Variants in CARS1 observed in about 807,000 individuals in gnomAD.
CARS1 encodes cysteine--tRNA ligase, cytoplasmic.
In CARS1, 48 loss-of-function variants were observed where a neutral mutation model predicts 106.2. The ratio of observed to expected loss-of-function variants is 0.45; its 90% confidence interval spans 0.36 to 0.57. The LOEUF (loss-of-function observed/expected upper bound fraction) is 0.57, where lower values mean the gene tolerates loss of function less well. Among genes scored for constraint, CARS1 ranks in the 20% least tolerant of loss-of-function variants. The probability of loss-of-function intolerance (pLI) is 0.00; values close to 1 mark genes in which losing one functional copy is unlikely to be tolerated. For synonymous variants in CARS1, 409 were observed against 403.4 expected (o/e 1.01, Z -0.17); for missense variants, 968 against 1,057.2 (o/e 0.92, Z 1.17).
chr11:3,038,134 C>A lies in CARS1; in HGVS notation c.717G>T (p.Gln239His), dbSNP rs1853925078. ...PDKKQMLERI[Q>H]HAVQLATEPL... Reference sequence around the variant, plus strand: ...GCTCTGTGGCAAGCTGCACTGCGTGCTGAATCCGTTCGAGCATCTGCTTTT... The same window carrying A: ...GCTCTGTGGCAAGCTGCACTGCGTGATGAATCCGTTCGAGCATCTGCTTTT... Residue 239 changes from glutamine to histidine, a missense_variant, in exon 7 of 23, where the codon CAG becomes CAT. Coordinates refer to ENST00000380525, the MANE Select transcript of CARS1 (RefSeq NM_001014437.3). The surrounding 1 kb of genome is among the most constrained non-coding windows in gnomAD (Gnocchi z 4.0). The A allele has an allele frequency of 1.9e-6, 3 of 1,614,108 alleles. No homozygotes were observed. In the East Asian group the frequency reaches 6.7e-5, roughly 36 times the overall value.
intron 2 of CARS1, chr11:3,042,464 G>A (rs1169769869): frequency 1.3e-5 from 7 of 546,714 alleles, no homozygotes; most frequent in South Asian, 8.9e-5. Flanking sequence ...TCGCTCTGTC[G>A]CCCAGGCCAG....
At position 3,001,086 on chromosome 11, in the gene CARS1, T is replaced by A. The variant is rs1287321080; in HGVS notation, c.*28A>T. 35 of 1,612,598 alleles carry A rather than the reference T, an allele frequency of 2.2e-5. No homozygotes were observed. The highest frequency in any genetic ancestry group is 4.5e-5 in the East Asian group (2 of 44,858). On this transcript the variant is annotated 3_prime_UTR_variant, in exon 23 of 23. Coordinates refer to ENST00000380525, the MANE Select transcript of CARS1 (RefSeq NM_001014437.3). The stretch of plus-strand genomic sequence containing the variant: ...GCAGACAGCAGCCACTAGTCCACAA[T>A]GGTTTAAAAAGTCAGTCCTGTGCCC...
Position 3,017,077 on chromosome 11 carries a change from G to C in CARS1, c.1917+29C>G. On this transcript the variant is annotated intron_variant, in intron 16 of 22. Coordinates refer to ENST00000380525, the MANE Select transcript of CARS1 (RefSeq NM_001014437.3). This position sits in a 1 kb window ranked among gnomAD's most constrained non-coding sequence, Gnocchi z 4.9. ...TGGCTCCTGTGTCCACACAGGCTGA[G>C]GGATACGCCTGCCTGGGGCCTGGCT... 1.3e-6 allele frequency: 2 copies of C among 1,592,676 alleles called. No homozygotes were observed. Among genetic ancestry groups the C allele is most frequent in the African/African-American group, 1.3e-5 (1 of 74,640 alleles).
Position 3,048,937 on chromosome 11 carries a change from C to T in CARS1, c.26-936G>A, listed in dbSNP as rs575480367. 1.3e-5 allele frequency among the ~76,000 whole-genome samples: 2 copies of T among 152,248 alleles called. No homozygotes were observed. The highest frequency in any genetic ancestry group is 2.4e-5 in the African/African-American group (1 of 41,560). Reference sequence around the variant, plus strand: ...CTCAAGGACCCAAGAGCCACTGTTCCGCATGTCACCATTGGGAGGAGGAGC... The same window carrying T: ...CTCAAGGACCCAAGAGCCACTGTTCTGCATGTCACCATTGGGAGGAGGAGC... On this transcript the variant is annotated intron_variant, in intron 1 of 22. Transcript: ENST00000380525. This position sits in a 1 kb window ranked among gnomAD's most constrained non-coding sequence, Gnocchi z 5.1.
Position 3,029,472 on chromosome 11 carries a change from G to A in CARS1, c.802-29C>T, listed in dbSNP as rs554296991. ...AAGAGAAAGAAACAAAAATCCAGCAGCGGGCCACACACTTCACATGAGAAC... is the reference window on the plus strand; with the variant it reads ...AAGAGAAAGAAACAAAAATCCAGCAACGGGCCACACACTTCACATGAGAAC... On this transcript the variant is annotated intron_variant, in intron 7 of 22. Transcript: ENST00000380525. This position sits in a 1 kb window ranked among gnomAD's most constrained non-coding sequence, Gnocchi z 5.9. 6.2e-7 allele frequency: 1 copy of A among 1,610,060 alleles called. No individual in the cohort carries two copies. The highest frequency in any genetic ancestry group is 1.7e-5 in the Admixed American group (1 of 60,006).
At chr11:3,002,390 C>T in intron 21 of CARS1, 151 bp downstream of exon 21, 1 of 1,429,956 alleles carries the variant, frequency 7.0e-7, no homozygotes. Context: ...GCCTGGCAGG[C>T]CTTGGGTGGT....
intron 14 of CARS1, 153 bp from the exon 15 acceptor site, chr11:3,018,107 T>C (rs776505775): frequency 5.4e-5 from 34 of 629,844 alleles, no homozygotes; most frequent in Non-Finnish European, 8.3e-5. Flanking sequence ...AAGATATTTC[T>C]TTGACAGAAA....
chr11:3,002,128 C>T (rs764157629), intron 21 of CARS1, 75 bp from the exon 22 acceptor site: 6 of 980,064 alleles, frequency 6.1e-6, no homozygotes, highest in African/African-American at 4.8e-5. Context: ...GACATCTGCT[C>T]ATACCTCCAG....
Position 3,005,308 on chromosome 11 carries a change from G to A in CARS1, c.2217+58C>T, listed in dbSNP as rs370843338. ...TTAAAAAGTAAACTATGTAATAATC[G>A]CAATGGTTTTTACATTTTCAACAAA... On this transcript the variant is annotated intron_variant, in intron 20 of 22. Transcript: ENST00000380525. 2.4e-4 allele frequency: 300 copies of A among 1,245,758 alleles called. 3 individuals are homozygous for A. In the South Asian group the frequency reaches 3.5e-3, roughly 14 times the overall value. 77.2% of individuals were successfully genotyped at this position (1,245,758 alleles called of 1,614,324 possible). A position where few individuals can be genotyped will look rare whatever the true frequency, so the allele number is the denominator to read the frequency against.
Position 3,028,130 on chromosome 11 carries a change from C to A in CARS1, c.1031+866G>T. On this transcript the variant is annotated intron_variant, in intron 9 of 22. Transcript: ENST00000380525. The surrounding 1 kb of genome is among the most constrained non-coding windows in gnomAD (Gnocchi z 4.4). ...ATGCAGAAATAATGGCGTAAGCTGC[C>A]TCTCTCTGTCTCCTCTCTCTCTCTG... 1 of 297,512 alleles carries A rather than the reference C, an allele frequency of 3.4e-6. No individual in the cohort carries two copies. The highest frequency in any genetic ancestry group is 6.6e-6 in the Non-Finnish European group (1 of 150,940). 18.4% of individuals were successfully genotyped at this position (297,512 alleles called of 1,614,324 possible).
intron 10 of CARS1, among the ~76,000 whole-genome samples, chr11:3,026,404 G>A (rs391188): frequency 0.49 from 74,019 of 152,130 alleles, 19,969 homozygotes; most frequent in African/African-American, 0.73. Context: ...TAACTACCCC[G>A]ATCATCACAC....
At chr11:3,054,083 T>G (rs893597049) in intron 1 of CARS1, among the ~76,000 whole-genome samples, 1 of 152,022 alleles carries the variant, frequency 6.6e-6, no homozygotes, top group Admixed American at 6.5e-5. Flanking sequence ...GAGAGGGGCA[T>G]GCACCCCTGC....
At chr11:3,011,964 C>T (rs552073662) in intron 18 of CARS1, among the ~76,000 whole-genome samples, 2 of 152,358 alleles carry the variant, frequency 1.3e-5, no homozygotes, top group Non-Finnish European at 2.9e-5. Flanking sequence ...TGCACTCACT[C>T]GAGGATTCTG....
At position 3,052,607 on chromosome 11, in the gene CARS1, G is replaced by A. The variant is rs1855810260; in HGVS notation, c.26-4606C>T. On this transcript the variant is annotated intron_variant, in intron 1 of 22. Coordinates refer to ENST00000380525, the MANE Select transcript of CARS1 (RefSeq NM_001014437.3). This position sits in a 1 kb window ranked among gnomAD's most constrained non-coding sequence, Gnocchi z 4.6. ...AGACGGCTCATCAAAAGGGAACCAA[G>A]ACCATGCTTGGGAAGGATCTTCTCA... 6.6e-6 allele frequency among the ~76,000 whole-genome samples: 1 copy of A among 152,208 alleles called. No individual in the cohort carries two copies. The highest frequency in any genetic ancestry group is 1.5e-5 in the Non-Finnish European group (1 of 68,044).
Position 3,028,600 on chromosome 11 carries a change from T to C in CARS1, c.1031+396A>G. On this transcript the variant is annotated intron_variant, in intron 9 of 22. Transcript: ENST00000380525. This position sits in a 1 kb window ranked among gnomAD's most constrained non-coding sequence, Gnocchi z 4.4. The stretch of plus-strand genomic sequence containing the variant: ...AGTCACTAAAATCATAGCCAAGCGA[T>C]AGATGCTGATGAAATGCATCCTCCT... 3.6e-6 allele frequency: 1 copy of C among 279,372 alleles called. No individual in the cohort carries two copies. The highest frequency in any genetic ancestry group is 7.3e-5 in the East Asian group (1 of 13,676). The allele number at this position is 279,372 out of a possible 1,614,324, so 17.3% of individuals were successfully genotyped here.
At chr11:3,033,044 A>T (rs958739684) in intron 7 of CARS1, among the ~76,000 whole-genome samples, 59 of 129,816 alleles carry the variant, frequency 4.5e-4, no homozygotes, top group African/African-American at 1.4e-3. Flanking sequence ...TCTCCTCTAA[A>T]AAAAAACTTT....
chr11:3,034,233 G>GT lies in CARS1; in HGVS notation c.801+3816dup, dbSNP rs71035468. On this transcript the variant is annotated intron_variant, in intron 7 of 22. Transcript: ENST00000380525. This position sits in a 1 kb window ranked among gnomAD's most constrained non-coding sequence, Gnocchi z 6.3. Reference sequence around the variant, plus strand: ...TCTGTTTTTTGTTTTGTTTTGTTTTGTTTTTTTGAGACAGTCTCACTCTGT... The same window carrying GT: ...TCTGTTTTTTGTTTTGTTTTGTTTTGTTTTTTTTGAGACAGTCTCACTCTGT... Among the ~76,000 whole-genome samples, 50,180 of 151,728 alleles carry GT rather than the reference G, an allele frequency of 0.33. 10,217 individuals carry two copies. Among genetic ancestry groups the GT allele is most frequent in the East Asian group, 0.63 (3,223 of 5,152 alleles).
chr11:3,015,479 C>A (rs565097936), intron 17 of CARS1, among the ~76,000 whole-genome samples: 1 of 152,354 alleles, frequency 6.6e-6, no homozygotes, highest in East Asian at 1.9e-4. Context: ...TGCCAAGTGG[C>A]CGCAGCAAAA....
intron 17 of CARS1, among the ~76,000 whole-genome samples, chr11:3,015,022 A>C (rs1306348588): frequency 1.3e-5 from 2 of 152,268 alleles, no homozygotes; most frequent in Admixed American, 1.3e-4. Flanking sequence ...ACCTGGGAGC[A>C]GGTGGAAGTC....
Sources: gnomAD v4.1 joint callset for allele counts (sites outside exome capture counted in the v4.1 genomes callset) on GRCh38, gnomAD v4.1.1 for gene constraint, Gnocchi (gnomAD v3.1) non-coding constraint, MANE v1.5 for transcripts, NCBI Gene and HGNC (gene_info 2026-07-23, HGNC 2026-07-21) for gene names.